The following GTF2A1 variants were observed in gnomAD, a reference collection of about 807,000 sequenced individuals.
GTF2A1 encodes the protein transcription initiation factor IIA subunit 1.
A neutral mutation model predicts 54.1 loss-of-function variants in GTF2A1; 12 were observed. The observed-to-expected ratio is 0.22, with a 90% CI of 0.14 to 0.36. GTF2A1 has a LOEUF of 0.36. Among genes scored for constraint, GTF2A1 ranks in the 10% least tolerant of loss-of-function variants. The pLI is 1.00. For missense variants in GTF2A1, 335 were observed against 442.2 expected (o/e 0.76, Z 2.17); for synonymous variants, 145 against 152.0 (o/e 0.95, Z 0.34).
At chr14:81,209,411 T>A (rs2140036664) in intron 2 of GTF2A1, among the ~76,000 whole-genome samples, 1 of 152,340 alleles carries the variant, frequency 6.6e-6, no homozygotes, top group East Asian at 1.9e-4. Flanking sequence ...CTTTTTTTGT[T>A]TCCAGTTTCG....
intron 1 of GTF2A1, among the ~76,000 whole-genome samples, chr14:81,220,192 GC>G (rs1469643184): frequency 2.7e-5 from 4 of 147,568 alleles, no homozygotes; most frequent in Non-Finnish European, 6.0e-5. Flanking sequence ...GGGTTCTGGG[GC>G]CGGGGCTGCG....
intron 8 of GTF2A1, among the ~76,000 whole-genome samples, chr14:81,185,267 A>C (rs1432298662): frequency 1.3e-5 from 2 of 152,228 alleles, no homozygotes; most frequent in Non-Finnish European, 1.5e-5. Context: ...TCTGCTTACA[A>C]GTTCAAAGAC....
Position 81,197,491 on chromosome 14 carries a change from A to G in GTF2A1, c.403-7T>C, listed in dbSNP as rs758506217. 4 of 1,508,834 alleles carry G rather than the reference A, an allele frequency of 2.7e-6. No homozygotes were observed. The Admixed American group carries it at 7.5e-5, about 28-fold the overall frequency. The allele number at this position is 1,508,834 out of a possible 1,614,324, so 93.5% of individuals were successfully genotyped here. A position where few individuals can be genotyped will look rare whatever the true frequency, so the allele number is the denominator to read the frequency against. On this transcript the variant is annotated splice_region_variant and splice_polypyrimidine_tract_variant and intron_variant, in intron 4 of 8. Coordinates refer to ENST00000553612, the MANE Select transcript of GTF2A1 (RefSeq NM_015859.4). ...CAGCTGTAGCAGCAGCACTCTGAAAAAAACAAAGAAAAAATATCAAAACCA... is the reference window on the plus strand; with the variant it reads ...CAGCTGTAGCAGCAGCACTCTGAAAGAAACAAAGAAAAAATATCAAAACCA...
chr14:81,184,994 G>A (rs1199993286), intron 8 of GTF2A1, among the ~76,000 whole-genome samples: 2 of 152,164 alleles, frequency 1.3e-5, no homozygotes, highest in Non-Finnish European at 2.9e-5. Flanking sequence ...TCAATGGCTA[G>A]TTTTCACAGT....
intron 2 of GTF2A1, among the ~76,000 whole-genome samples, chr14:81,207,950 A>G (rs149506236): frequency 7.0e-4 from 106 of 152,360 alleles, no homozygotes; most frequent in African/African-American, 2.5e-3. Flanking sequence ...CCGTTTTAAA[A>G]GGGAAACAAA....
chr14:81,182,910 C>G (rs1041473915), intron 8 of GTF2A1, among the ~76,000 whole-genome samples: 1 of 152,198 alleles, frequency 6.6e-6, no homozygotes, highest in Non-Finnish European at 1.5e-5. Context: ...GATGACAGGG[C>G]TAACTCTTTC....
At chr14:81,207,721 G>A (rs1288760075) in intron 2 of GTF2A1, among the ~76,000 whole-genome samples, 1 of 152,214 alleles carries the variant, frequency 6.6e-6, no homozygotes, top group Admixed American at 6.5e-5. Flanking sequence ...GAACAATAAG[G>A]TCCAGGCTGA....
chr14:81,220,572 CA>C lies in GTF2A1; in HGVS notation c.-55del. ...CAACCCCAAGAAAACAAGATAAAAA[CA>C]AAACCAAAAAAAAAAAAACTATAAC... On this transcript the variant is annotated 5_prime_UTR_variant, in exon 1 of 9. Coordinates refer to ENST00000553612, the MANE Select transcript of GTF2A1 (RefSeq NM_015859.4). 7.7e-7 allele frequency: 1 copy of C among 1,306,572 alleles called. No homozygotes were observed. Among genetic ancestry groups the C allele is most frequent in the Non-Finnish European group, 1.0e-6 (1 of 965,148 alleles). The allele number at this position is 1,306,572 out of a possible 1,614,324, so 80.9% of individuals were successfully genotyped here. A position where few individuals can be genotyped will look rare whatever the true frequency, so the allele number is the denominator to read the frequency against.
At chr14:81,185,381 C>T in intron 8 of GTF2A1, 150 bp downstream of exon 8, 4 of 462,742 alleles carry the variant, frequency 8.6e-6, no homozygotes, top group East Asian at 3.5e-5. Flanking sequence ...TAAAATAATC[C>T]ACAAAACTCT....
chr14:81,217,290 A>G (rs1404055005), intron 1 of GTF2A1, among the ~76,000 whole-genome samples: 1 of 152,256 alleles, frequency 6.6e-6, no homozygotes, highest in Non-Finnish European at 1.5e-5. Flanking sequence ...AGAACTTTCA[A>G]AAAGTATAAA....
chr14:81,196,792 G>A (rs888610574), intron 5 of GTF2A1, among the ~76,000 whole-genome samples: 15 of 152,072 alleles, frequency 9.9e-5, no homozygotes, highest in Admixed American at 3.3e-4. Context: ...ATCTTGAATT[G>A]ATTAAAAAGC....
At chr14:81,200,844 T>C (rs1009978845) in intron 4 of GTF2A1, among the ~76,000 whole-genome samples, 2 of 146,624 alleles carry the variant, frequency 1.4e-5, no homozygotes, top group African/African-American at 2.5e-5. Flanking sequence ...TATAAGGAAG[T>C]ATTGAACTAC....
chr14:81,188,221 T>C (rs898815430), intron 7 of GTF2A1, among the ~76,000 whole-genome samples: 2 of 152,188 alleles, frequency 1.3e-5, no homozygotes, highest in African/African-American at 4.8e-5. Context: ...ATATTCTGGA[T>C]AGTAGATCCT....
At chr14:81,209,782 A>G in intron 2 of GTF2A1, 1 of 455,294 alleles carries the variant, frequency 2.2e-6, no homozygotes, top group African/African-American at 2.0e-5. Context: ...TTCCCTATAC[A>G]AGACAAATGT....
chr14:81,210,570 T>C (rs1417221219), intron 2 of GTF2A1, among the ~76,000 whole-genome samples: 5 of 152,202 alleles, frequency 3.3e-5, no homozygotes, highest in African/African-American at 1.2e-4. Flanking sequence ...TTTGTTTTTT[T>C]TGGATATGGA....
chr14:81,201,889 G>A (rs2140161751), intron 3 of GTF2A1, among the ~76,000 whole-genome samples: 1 of 152,274 alleles, frequency 6.6e-6, no homozygotes, highest in Non-Finnish European at 1.5e-5. Flanking sequence ...CCCAGGCGTG[G>A]TGGCTCACAC....
At position 81,179,311 on chromosome 14, in the gene GTF2A1, A is replaced by G. The variant is rs533790573; in HGVS notation, c.*912T>C. 3 of 152,382 alleles carry G rather than the reference A, an allele frequency of 2.0e-5. No homozygotes were observed. The East Asian group carries it at 5.8e-4, about 29-fold the overall frequency. 9.4% of individuals were successfully genotyped at this position (152,382 alleles called of 1,614,324 possible). A position where few individuals can be genotyped will look rare whatever the true frequency, so the allele number is the denominator to read the frequency against. On this transcript the variant is annotated 3_prime_UTR_variant, in exon 9 of 9. Coordinates refer to ENST00000553612, the MANE Select transcript of GTF2A1 (RefSeq NM_015859.4). ...TGAATGTTTAGCTTAAAAACTAAAC[A>G]CATTTATAAGCACACACTTCAGCCC... is the stretch of plus-strand genomic sequence containing the variant.
chr14:81,175,670 T>C lies in GTF2A1; in HGVS notation c.*4553A>G, dbSNP rs1277794370. ...CGCAATACAAACCTCAGTAATCCAA[T>C]TCTCCTAATATGCAATTATTTATAA... is the stretch of plus-strand genomic sequence containing the variant. On this transcript the variant is annotated 3_prime_UTR_variant, in exon 9 of 9. Coordinates refer to ENST00000553612, the MANE Select transcript of GTF2A1 (RefSeq NM_015859.4). 1 of 152,166 alleles carries C rather than the reference T, an allele frequency of 6.6e-6. No homozygotes were observed. The highest frequency in any genetic ancestry group is 1.5e-5 in the Non-Finnish European group (1 of 68,026). 9.4% of individuals were successfully genotyped at this position (152,166 alleles called of 1,614,324 possible). A position where few individuals can be genotyped will look rare whatever the true frequency, so the allele number is the denominator to read the frequency against.
At chr14:81,199,739 G>A (rs1425059144) in intron 4 of GTF2A1, among the ~76,000 whole-genome samples, 1 of 151,838 alleles carries the variant, frequency 6.6e-6, no homozygotes, top group African/African-American at 2.4e-5. Context: ...GAATAAAGGA[G>A]ACTTAACCAG....
Sources: allele counts gnomAD v4.1 joint callset (sites outside exome capture counted in the v4.1 genomes callset), GRCh38; gene constraint gnomAD v4.1.1; transcripts MANE v1.5; gene names NCBI Gene and HGNC (gene_info 2026-07-23, HGNC 2026-07-21).